Variants in BCAR3 observed in about 807,000 individuals in gnomAD.
BCAR3 encodes breast cancer anti-estrogen resistance protein 3.
In BCAR3, 37 loss-of-function variants were observed where a neutral mutation model predicts 80.1. That is an observed-to-expected ratio of 0.46 (90% confidence interval 0.36 to 0.61). The LOEUF (loss-of-function observed/expected upper bound fraction) is 0.61, where lower values mean the gene tolerates loss of function less well. Ranked by LOEUF, BCAR3 falls within the 20% of genes least tolerant of loss-of-function variation. The pLI is 0.00. For synonymous variants in BCAR3, 389 were observed against 418.9 expected (o/e 0.93, Z 0.87); for missense variants, 978 against 1,068.2 (o/e 0.92, Z 1.18).
At chr1:93,809,496 G>A (rs529149893) in intron 2 of BCAR3, among the ~76,000 whole-genome samples, 9 of 152,162 alleles carry the variant, frequency 5.9e-5, no homozygotes, top group East Asian at 1.9e-4. Context: ...TGCTGGGCAC[G>A]GTAGCTCATG....
chr1:93,847,920 G>C (rs1036715500), upstream of BCAR3: 3 of 248,004 alleles, frequency 1.2e-5, no homozygotes, highest in Non-Finnish European at 2.4e-5. Flanking sequence ...CGGCGGCGGC[G>C]GCGAAGGAAA....
chr1:93,742,828 T>A (rs987182366), intron 2 of BCAR3, among the ~76,000 whole-genome samples: 1 of 152,170 alleles, frequency 6.6e-6, no homozygotes, highest in Non-Finnish European at 1.5e-5. Flanking sequence ...CAAACCCACA[T>A]ATAATTATTT....
chr1:93,592,513 G>A lies in BCAR3; in HGVS notation c.358-120C>T, dbSNP rs564487339. On this transcript the variant is annotated intron_variant, in intron 3 of 11. Transcript: ENST00000260502. This position sits in a 1 kb window ranked among gnomAD's most constrained non-coding sequence, Gnocchi z 4.8. ...TATGCTACAGCCTGCATTCAGGTAG[G>A]GGAGCCTGGATAATGATTACAAAGA... 8.2e-6 allele frequency: 11 copies of A among 1,338,348 alleles called. No individual in the cohort carries two copies. The highest frequency in any genetic ancestry group is 1.9e-4 in the Middle Eastern group (1 of 5,232). 82.9% of individuals were successfully genotyped at this position (1,338,348 alleles called of 1,614,324 possible).
chr1:93,734,728 CA>C (rs1317376701), intron 2 of BCAR3, among the ~76,000 whole-genome samples: 1 of 152,112 alleles, frequency 6.6e-6, no homozygotes, highest in Non-Finnish European at 1.5e-5. Flanking sequence ...GGCAGGGATT[CA>C]GAGATGTTAC....
intron 11 of BCAR3, among the ~76,000 whole-genome samples, chr1:93,565,096 G>A (rs954616461): frequency 6.6e-6 from 1 of 151,574 alleles, no homozygotes; most frequent in African/African-American, 2.4e-5. Flanking sequence ...AGGCCAGATG[G>A]TGACTTTTTT....
chr1:93,771,301 T>C (rs1174551919), intron 2 of BCAR3, among the ~76,000 whole-genome samples: 1 of 152,172 alleles, frequency 6.6e-6, no homozygotes, highest in African/African-American at 2.4e-5. Flanking sequence ...CTGTCAGAGT[T>C]GTGTTCTTGA....
At chr1:93,718,688 CTTTTTTTTTTT>C (rs71094259) in intron 2 of BCAR3, among the ~76,000 whole-genome samples, 1 of 77,042 alleles carries the variant, frequency 1.3e-5, no homozygotes, top group African/African-American at 4.9e-5. Flanking sequence ...CATTGTTTTT[CTTTTTTTTTTT>C]TTTTTTTTTT....
chr1:93,721,404 A>G (rs1294621411), intron 2 of BCAR3, among the ~76,000 whole-genome samples: 1 of 152,044 alleles, frequency 6.6e-6, no homozygotes, highest in African/African-American at 2.4e-5. Flanking sequence ...ATCCCTTAGG[A>G]TCTAACTCAA....
At chr1:93,761,130 G>A (rs1651929923) in intron 2 of BCAR3, among the ~76,000 whole-genome samples, 1 of 152,200 alleles carries the variant, frequency 6.6e-6, no homozygotes, top group Non-Finnish European at 1.5e-5. Context: ...GGCATGTGGA[G>A]TAGAATCCTG....
At chr1:93,784,340 G>A (rs1652869391) in intron 2 of BCAR3, among the ~76,000 whole-genome samples, 1 of 152,190 alleles carries the variant, frequency 6.6e-6, no homozygotes, top group Non-Finnish European at 1.5e-5. Context: ...TTGATGAGGT[G>A]AGGACAGGGA....
intron 2 of BCAR3, among the ~76,000 whole-genome samples, chr1:93,727,470 A>G (rs377524805): frequency 1.3e-5 from 2 of 152,236 alleles, no homozygotes; most frequent in South Asian, 4.1e-4. Context: ...AAGCTCGGCA[A>G]TGTATTAAAA....
At chr1:93,747,728 C>T (rs1464874913) in intron 2 of BCAR3, among the ~76,000 whole-genome samples, 4 of 151,662 alleles carry the variant, frequency 2.6e-5, no homozygotes, top group Admixed American at 1.3e-4. Context: ...TAGAATCTTT[C>T]AGCACCTCTC....
At chr1:93,573,764 G>C (rs922005384) in intron 8 of BCAR3, among the ~76,000 whole-genome samples, 2 of 151,734 alleles carry the variant, frequency 1.3e-5, no homozygotes, top group Non-Finnish European at 2.9e-5. Flanking sequence ...ACGTAGCTGG[G>C]ACCACAGGCA....
chr1:93,842,352 A>G (rs2100851841), intron 2 of BCAR3, among the ~76,000 whole-genome samples: 2 of 152,114 alleles, frequency 1.3e-5, no homozygotes, highest in South Asian at 2.1e-4. Flanking sequence ...GGGTTTCACC[A>G]TGTTGGCCAG....
At position 93,592,094 on chromosome 1, in the gene BCAR3, TCCC is replaced by T. The variant is rs1674227681; in HGVS notation, c.486+168_486+170del. ...GCTTTGGGTTCTTGACCTCAGCTCTTCCCAAGGTCTTCTTAGAGAAGGGTCTAA... is the reference window on the plus strand; with the variant it reads ...GCTTTGGGTTCTTGACCTCAGCTCTTAAGGTCTTCTTAGAGAAGGGTCTAA... On this transcript the variant is annotated intron_variant, in intron 4 of 11. Transcript: ENST00000260502. The surrounding 1 kb of genome is among the most constrained non-coding windows in gnomAD (Gnocchi z 4.8). The T allele has an allele frequency of 1.1e-6, 1 of 941,092 alleles. No individual in the cohort carries two copies. The highest frequency in any genetic ancestry group is 3.0e-5 in the Admixed American group (1 of 32,938). The allele number at this position is 941,092 out of a possible 1,614,324, so 58.3% of individuals were successfully genotyped here.
At chr1:93,606,570 G>A (rs1463795328) in intron 3 of BCAR3, among the ~76,000 whole-genome samples, 1 of 152,202 alleles carries the variant, frequency 6.6e-6, no homozygotes, top group Non-Finnish European at 1.5e-5. Flanking sequence ...TGTGGAAGAA[G>A]ATGTAGAACT....
At chr1:93,640,657 C>T (rs1675948744) in intron 3 of BCAR3, among the ~76,000 whole-genome samples, 1 of 152,206 alleles carries the variant, frequency 6.6e-6, no homozygotes, top group African/African-American at 2.4e-5. Context: ...TTTGTCAATA[C>T]CACTCAACTC....
At position 93,588,128 on chromosome 1, in the gene BCAR3, T is replaced by A. The variant is rs139705203; in HGVS notation, c.929+849A>T. 1.0e-3 allele frequency among the ~76,000 whole-genome samples: 153 copies of A among 152,190 alleles called. 1 individual carries two copies. The highest frequency in any genetic ancestry group is 3.1e-3 in the African/African-American group (127 of 41,516). On this transcript the variant is annotated intron_variant, in intron 5 of 11. Transcript: ENST00000260502. The stretch of plus-strand genomic sequence containing the variant: ...CAGGTGGACCAAGCCCTAATTTAAG[T>A]TTTCAGCTCTAACTCCCCTCCTGGA...
At chr1:93,572,802 C>T (rs1009017737) in intron 8 of BCAR3, among the ~76,000 whole-genome samples, 5 of 152,208 alleles carry the variant, frequency 3.3e-5, no homozygotes, top group Non-Finnish European at 5.9e-5. Flanking sequence ...CTGTCCTGAA[C>T]GTTCGGAGCT....
Sources: gnomAD v4.1 joint callset for allele counts (sites outside exome capture counted in the v4.1 genomes callset) on GRCh38, gnomAD v4.1.1 for gene constraint, Gnocchi (gnomAD v3.1) non-coding constraint, MANE v1.5 for transcripts, NCBI Gene and HGNC (gene_info 2026-07-23, HGNC 2026-07-21) for gene names.